The following MGAT4C variants were observed in gnomAD, a reference collection of about 807,000 sequenced individuals.
MGAT4C encodes alpha-1,3-mannosyl-glycoprotein 4-beta-N-acetylglucosaminyltransferase C.
Under a neutral mutation model 40.1 loss-of-function variants are expected in MGAT4C, and 19 were observed. That is an observed-to-expected ratio of 0.47 (90% confidence interval 0.33 to 0.70). The LOEUF (loss-of-function observed/expected upper bound fraction) is 0.70. Ranked by LOEUF, MGAT4C falls within the 30% of genes least tolerant of loss-of-function variation. MGAT4C has a pLI of 0.02. For missense variants in MGAT4C, 491 were observed against 563.2 expected (o/e 0.87, Z 1.30); for synonymous variants, 181 against 187.1 (o/e 0.97, Z 0.27).
intron 2 of MGAT4C, among the ~76,000 whole-genome samples, chr12:86,611,606 A>G (rs1947441740): frequency 6.6e-6 from 1 of 152,038 alleles, no homozygotes; most frequent in African/African-American, 2.4e-5. Flanking sequence ...CTGCTTTTGC[A>G]CTCCTTATCT....
chr12:86,551,407 G>C (rs1418112711), intron 2 of MGAT4C, among the ~76,000 whole-genome samples: 2 of 151,908 alleles, frequency 1.3e-5, no homozygotes, highest in African/African-American at 2.4e-5. Flanking sequence ...AGGCCAGACT[G>C]GTAGAAACAG....
chr12:86,074,977 C>A (rs4842566), intron 1 of MGAT4C, among the ~76,000 whole-genome samples: 6,876 of 152,110 alleles, frequency 0.045, 301 homozygotes, highest in African/African-American at 0.11. Flanking sequence ...TATCGTTGTG[C>A]CCCTGGCCCC....
intron 1 of MGAT4C, among the ~76,000 whole-genome samples, chr12:86,751,854 A>G (rs1332650914): frequency 6.6e-6 from 1 of 152,070 alleles, no homozygotes; most frequent in East Asian, 1.9e-4. Context: ...TATTATAATA[A>G]GGAAATAGAA....
At chr12:86,833,421 T>C (rs998096636) in intron 1 of MGAT4C, among the ~76,000 whole-genome samples, 2 of 151,798 alleles carry the variant, frequency 1.3e-5, no homozygotes, top group Admixed American at 6.6e-5. Flanking sequence ...ATAACAGAAG[T>C]TTATTTTCTT....
intron 4 of MGAT4C, among the ~76,000 whole-genome samples, chr12:86,318,186 TA>T (rs1475640953): frequency 3.3e-5 from 5 of 151,998 alleles, no homozygotes; most frequent in African/African-American, 1.2e-4. Context: ...TTGGGTAATA[TA>T]AAATATATAA....
intron 4 of MGAT4C, among the ~76,000 whole-genome samples, chr12:86,275,484 C>T (rs1472196174): frequency 1.3e-5 from 2 of 152,178 alleles, no homozygotes; most frequent in African/African-American, 4.8e-5. Flanking sequence ...ATGTCCATGT[C>T]TTAATCCCCG....
intron 3 of MGAT4C, among the ~76,000 whole-genome samples, chr12:86,365,326 G>C (rs1955568361): frequency 6.6e-6 from 1 of 152,104 alleles, no homozygotes; most frequent in Non-Finnish European, 1.5e-5. Context: ...AAGGTGCCCA[G>C]ATTTCATATT....
chr12:86,717,412 T>C (rs1465126293), intron 2 of MGAT4C, among the ~76,000 whole-genome samples: 1 of 152,140 alleles, frequency 6.6e-6, no homozygotes, highest in Non-Finnish European at 1.5e-5. Context: ...TTGTTCCTTT[T>C]CCATGACTAA....
At chr12:86,218,008 T>A (rs1350130611) in intron 1 of MGAT4C, among the ~76,000 whole-genome samples, 1 of 152,106 alleles carries the variant, frequency 6.6e-6, no homozygotes, top group East Asian at 1.9e-4. Context: ...ATCAAAATTA[T>A]ACAGTCAAAA....
intron 2 of MGAT4C, among the ~76,000 whole-genome samples, chr12:86,459,696 C>T (rs1957566725): frequency 8.7e-6 from 1 of 115,562 alleles, no homozygotes; most frequent in Non-Finnish European, 1.8e-5. Context: ...CTTTACCCGC[C>T]CCGCCCCCCA....
intron 1 of MGAT4C, among the ~76,000 whole-genome samples, chr12:86,082,976 A>G (rs1014373309): frequency 2.0e-5 from 3 of 152,060 alleles, no homozygotes; most frequent in African/African-American, 7.2e-5. Flanking sequence ...TACAACCTAC[A>G]ATTGTTTGTT....
chr12:86,261,387 T>A (rs983538445), upstream of MGAT4C, among the ~76,000 whole-genome samples: 1 of 152,064 alleles, frequency 6.6e-6, no homozygotes, highest in Non-Finnish European at 1.5e-5. Flanking sequence ...AGGGAGAGCT[T>A]GAAACCTTAA....
chr12:86,040,212 G>T (rs924655678), intron 2 of MGAT4C, among the ~76,000 whole-genome samples: 1 of 152,240 alleles, frequency 6.6e-6, no homozygotes, highest in Admixed American at 6.5e-5. Flanking sequence ...ACAGGGGTCA[G>T]GGACCCACTT....
chr12:85,974,398 TTCTC>T lies in MGAT4C; in HGVS notation c.*4887_*4890del, dbSNP rs1488264430. On this transcript the variant is annotated 3_prime_UTR_variant, in exon 5 of 5. Transcript: ENST00000611864. Reference sequence around the variant, plus strand: ...GCAAATGGTGCATATCCTTCTGTCTTTCTCTCATACACACAGACACACTTACACA... The same window carrying T: ...GCAAATGGTGCATATCCTTCTGTCTTTCATACACACAGACACACTTACACA... The T allele has an allele frequency of 6.6e-6, 1 of 150,554 alleles. No homozygotes were observed. The highest frequency in any genetic ancestry group is 1.5e-5 in the Non-Finnish European group (1 of 66,924). The allele number at this position is 150,554 out of a possible 1,614,324, so 9.3% of individuals were successfully genotyped here.
At chr12:86,139,468 T>C (rs1014914908) in intron 1 of MGAT4C, among the ~76,000 whole-genome samples, 3 of 152,086 alleles carry the variant, frequency 2.0e-5, no homozygotes, top group Non-Finnish European at 4.4e-5. Flanking sequence ...CTCAAAATTA[T>C]GTTCCTTATC....
At chr12:86,819,451 T>C (rs1952668251) in intron 1 of MGAT4C, among the ~76,000 whole-genome samples, 1 of 150,942 alleles carries the variant, frequency 6.6e-6, no homozygotes, top group Admixed American at 6.6e-5. Context: ...TTATTCTTTC[T>C]CTAGAAACTT....
At chr12:86,248,037 T>C (rs1241630369) in intron 1 of MGAT4C, among the ~76,000 whole-genome samples, 1 of 152,188 alleles carries the variant, frequency 6.6e-6, no homozygotes, top group African/African-American at 2.4e-5. Flanking sequence ...TCTTTGATTC[T>C]GAGTCTCCTT....
intron 1 of MGAT4C, among the ~76,000 whole-genome samples, chr12:86,113,350 C>T (rs375960743): frequency 1.3e-5 from 2 of 151,676 alleles, no homozygotes; most frequent in African/African-American, 2.4e-5. Context: ...TGTGGTGCAA[C>T]GTTTGCTTTT....
chr12:86,466,748 G>T (rs958223552), intron 2 of MGAT4C, among the ~76,000 whole-genome samples: 3 of 152,178 alleles, frequency 2.0e-5, no homozygotes, highest in African/African-American at 7.2e-5. Flanking sequence ...AAACACTGGG[G>T]ATGCAGATAA....
Sources: allele counts gnomAD v4.1 joint callset (sites outside exome capture counted in the v4.1 genomes callset), GRCh38; gene constraint gnomAD v4.1.1; transcripts MANE v1.5; gene names NCBI Gene and HGNC (gene_info 2026-07-23, HGNC 2026-07-21).